Variants in AFF1 observed in about 807,000 individuals in gnomAD.
The protein encoded by AFF1 is ALF transcription elongation factor 1.
In AFF1, 48 loss-of-function variants were observed where a neutral mutation model predicts 121.7. The observed-to-expected ratio is 0.39, with a 90% CI of 0.31 to 0.50. The LOEUF is 0.50. Among genes scored for constraint, AFF1 ranks in the 20% least tolerant of loss-of-function variants. The probability of loss-of-function intolerance (pLI) is 0.76; values close to 1 mark genes in which losing one functional copy is unlikely to be tolerated. For missense variants in AFF1, 1,523 were observed against 1,511.7 expected (o/e 1.01, Z -0.12); for synonymous variants, 613 against 563.0 (o/e 1.09, Z -1.26).
chr4:87,006,763 CAA>C (rs1726159528), intron 2 of AFF1, among the ~76,000 whole-genome samples: 1 of 152,218 alleles, frequency 6.6e-6, no homozygotes, highest in Non-Finnish European at 1.5e-5. Flanking sequence ...TAGAACCTGG[CAA>C]GAGAGCACTC....
At chr4:87,133,072 TTC>T (rs753641765) in intron 19 of AFF1, among the ~76,000 whole-genome samples, 2 of 152,192 alleles carry the variant, frequency 1.3e-5, no homozygotes, top group Non-Finnish European at 2.9e-5. Flanking sequence ...CCAGAGTCCT[TTC>T]TCTCTCTGTA....
intron 15 of AFF1, among the ~76,000 whole-genome samples, 190 bp downstream of exon 15, chr4:87,127,307 T>C (rs761393851): frequency 6.6e-6 from 1 of 152,048 alleles, no homozygotes; most frequent in African/African-American, 2.4e-5. Flanking sequence ...ACTACAGGCA[T>C]GAGCCATCAT....
rs370249740 is a variant in AFF1 at position 86,996,325 on chromosome 4, T to C, written c.38+47754T>C. Among the ~76,000 whole-genome samples the C allele has an allele frequency of 8.7e-3, 1,307 of 150,530 alleles. 7 individuals are homozygous for C. The highest frequency in any genetic ancestry group is 0.029 in the African/African-American group (1,211 of 41,086). ...AAAGATTGAGAAATCGGATGGTTGC[T>C]GTGTCTGTGTAGAAAGAGGTAGACA... On this transcript the variant is annotated intron_variant, in intron 2 of 20. Transcript: ENST00000395146.
At position 87,111,012 on chromosome 4, in the gene AFF1, A is replaced by ATTTTTTTATTTTTTTTTTTTT. The variant is rs1726457420; in HGVS notation, c.1533+2704_1533+2705insATTTTTTTTTTTTTTTTTTTT. Among the ~76,000 whole-genome samples the ATTTTTTTATTTTTTTTTTTTT allele has an allele frequency of 5.1e-4, 15 of 29,266 alleles. 3 individuals are homozygous for ATTTTTTTATTTTTTTTTTTTT. The highest frequency in any genetic ancestry group is 1.3e-3 in the African/African-American group (15 of 11,232). The allele number at this position is 29,266 out of a possible 152,430, so 19.2% of individuals were successfully genotyped here. On this transcript the variant is annotated intron_variant, in intron 11 of 20. Transcript: ENST00000395146. ...ACTTAAACTTTATTTTTTTTTTTTT[A>ATTTTTTTATTTTTTTTTTTTT]TTTTTTTTTTTTTGAGACGGAGTCT... is the stretch of plus-strand genomic sequence containing the variant.
At chr4:87,112,162 TTA>T (rs1340824633) in intron 11 of AFF1, among the ~76,000 whole-genome samples, 2 of 152,216 alleles carry the variant, frequency 1.3e-5, no homozygotes, top group African/African-American at 4.8e-5. Flanking sequence ...AGTTAACCAC[TTA>T]TGTAACCACA....
chr4:87,055,787 TC>T (rs1215312824), intron 4 of AFF1, among the ~76,000 whole-genome samples: 9 of 152,222 alleles, frequency 5.9e-5, no homozygotes, highest in Non-Finnish European at 2.9e-5. Context: ...TTTAAACAGT[TC>T]CTCCTAAGAG....
At chr4:87,081,250 C>T (rs1299917386) in intron 4 of AFF1, among the ~76,000 whole-genome samples, 1 of 150,254 alleles carries the variant, frequency 6.7e-6, no homozygotes, top group East Asian at 2.0e-4. Flanking sequence ...CAAGCTCCGC[C>T]TCCCAGGTTC....
intron 1 of AFF1, among the ~76,000 whole-genome samples, chr4:86,946,658 CT>C (rs2038069472): frequency 6.6e-6 from 1 of 152,092 alleles, no homozygotes; most frequent in African/African-American, 2.4e-5. Flanking sequence ...TCCCAAAGTG[CT>C]GGGATTACAG....
At chr4:86,982,805 G>A (rs1723864611) in intron 2 of AFF1, among the ~76,000 whole-genome samples, 1 of 135,818 alleles carries the variant, frequency 7.4e-6, no homozygotes, top group African/African-American at 2.9e-5. Flanking sequence ...CCGAGATCGT[G>A]CCACTGCACT....
intron 7 of AFF1, 27 bp from the exon 8 acceptor site, chr4:87,094,888 C>T (rs1163990531): frequency 5.0e-6 from 8 of 1,608,876 alleles, no homozygotes; most frequent in Non-Finnish European, 6.8e-6. Flanking sequence ...TGTCATTGTG[C>T]TGCTTTGATG....
At position 87,114,936 on chromosome 4, in the gene AFF1, G is replaced by A; in HGVS notation, c.2103G>A (p.Glu701=). ...CAGAACCCGCGAAGGACAATGTGGA[G>A]GACAGGACCCCTGAGCACTTTGCTC... is the stretch of plus-strand genomic sequence containing the variant. ...SGPEPAKDNV[E]DRTPEHFALV... is the part of the protein sequence containing the mutation. Residue 701 remains glutamate, a synonymous_variant, in exon 12 of 21, where the codon GAG becomes GAA. Transcript: ENST00000395146. 1 of 1,612,766 alleles carries A rather than the reference G, an allele frequency of 6.2e-7. No homozygotes were observed. The highest frequency in any genetic ancestry group is 1.3e-5 in the African/African-American group (1 of 74,978).
At chr4:87,004,558 T>A (rs1225901564) in intron 2 of AFF1, among the ~76,000 whole-genome samples, 2 of 152,236 alleles carry the variant, frequency 1.3e-5, no homozygotes, top group African/African-American at 4.8e-5. Flanking sequence ...CTCATACAGG[T>A]TATCCAAAAT....
intron 1 of AFF1, among the ~76,000 whole-genome samples, chr4:86,946,648 TC>T (rs1013949715): frequency 6.6e-6 from 1 of 152,092 alleles, no homozygotes; most frequent in Non-Finnish European, 1.5e-5. Flanking sequence ...AACCCTGGCC[TC>T]CCAAAGTGCT....
chr4:87,114,549 A>T lies in AFF1; in HGVS notation c.1716A>T (p.Lys572Asn), dbSNP rs1321138875. Residue 572 changes from lysine (K) to asparagine (N), a missense_variant, in exon 12 of 21, where the codon AAA becomes AAT. Physicochemically the swap from Lys to Asn is moderately conservative, Grantham distance 94. Transcript: ENST00000395146. ...EHSESKDPPP[K>N]SSSKAPRAPP... The stretch of plus-strand genomic sequence containing the variant: ...CTGAATCCAAAGATCCTCCCCCTAA[A>T]AGCTCCAGCAAAGCCCCCCGGGCCC... The T allele has an allele frequency of 6.2e-7, 1 of 1,610,500 alleles. No homozygotes were observed.
Position 87,028,107 on chromosome 4 carries a change from C to T in AFF1, c.39-18059C>T, listed in dbSNP as rs1243095982. On this transcript the variant is annotated intron_variant, in intron 2 of 20. Transcript: ENST00000395146. ...AGAAAAAAAATTGAAACCCAAAACA[C>T]TTAAGGTCCCAAGCATTTCAGATAA... Among the ~76,000 whole-genome samples, 13 of 152,192 alleles carry T rather than the reference C, an allele frequency of 8.5e-5. 1 individual carries two copies. Among genetic ancestry groups the T allele is most frequent in the Middle Eastern group, 6.8e-3 (2 of 294 alleles).
chr4:87,044,704 TC>T (rs1288971928), intron 2 of AFF1, among the ~76,000 whole-genome samples: 1 of 152,140 alleles, frequency 6.6e-6, no homozygotes, highest in Admixed American at 6.5e-5. Flanking sequence ...GAGTCATACT[TC>T]CTAGGGAAGC....
At chr4:87,129,203 T>C (rs1425125906) in intron 16 of AFF1, among the ~76,000 whole-genome samples, 1 of 152,196 alleles carries the variant, frequency 6.6e-6, no homozygotes, top group Non-Finnish European at 1.5e-5. Flanking sequence ...AGTAAGCCCC[T>C]GTGGCCCACC....
chr4:87,068,544 C>T (rs530395768), intron 4 of AFF1, among the ~76,000 whole-genome samples: 4 of 152,208 alleles, frequency 2.6e-5, no homozygotes, highest in South Asian at 2.1e-4. Context: ...TGCAGGGAGA[C>T]GGGAGGTATG....
At chr4:87,085,911 G>A (rs1009204473) in intron 5 of AFF1, among the ~76,000 whole-genome samples, 6 of 152,022 alleles carry the variant, frequency 3.9e-5, no homozygotes, top group African/African-American at 1.4e-4. Flanking sequence ...GCTAATTTTT[G>A]TATTTTTAGT....
Sources: gnomAD v4.1 joint callset for allele counts (sites outside exome capture counted in the v4.1 genomes callset) on GRCh38, gnomAD v4.1.1 for gene constraint, MANE v1.5 for transcripts, NCBI Gene and HGNC (gene_info 2026-07-23, HGNC 2026-07-21) for gene names.